RNF38: variants seen among roughly 807,000 people sequenced by gnomAD.
The protein encoded by RNF38 is ring finger protein 38.
In RNF38, 15 loss-of-function variants were observed where a neutral mutation model predicts 67.2. The ratio of observed to expected loss-of-function variants is 0.22; its 90% CI spans 0.15 to 0.34. The LOEUF (loss-of-function observed/expected upper bound fraction) is 0.34. Among genes scored for constraint, RNF38 ranks in the 10% least tolerant of loss-of-function variants. RNF38 has a pLI of 1.00. For synonymous variants in RNF38, 220 were observed against 218.8 expected (o/e 1.01, Z -0.05); for missense variants, 524 against 639.9 (o/e 0.82, Z 1.95).
intron 1 of RNF38, among the ~76,000 whole-genome samples, chr9:36,464,027 C>T (rs1400251460): frequency 2.0e-5 from 3 of 151,498 alleles, no homozygotes; most frequent in African/African-American, 7.3e-5. Context: ...ATTAGCCGGG[C>T]GTGGTGGCAG....
chr9:36,419,810 C>A (rs892681845), intron 2 of RNF38, among the ~76,000 whole-genome samples: 12 of 152,010 alleles, frequency 7.9e-5, no homozygotes, highest in African/African-American at 2.7e-4. Flanking sequence ...TAACAAAGTG[C>A]GACCCTGTCA....
chr9:36,341,555 G>GT (rs1212563256), intron 11 of RNF38, among the ~76,000 whole-genome samples: 2 of 151,934 alleles, frequency 1.3e-5, no homozygotes, highest in African/African-American at 4.8e-5. Flanking sequence ...ACTATGAAGA[G>GT]TAAAAAAGCA....
At chr9:36,477,384 C>A (rs1840145390) in intron 1 of RNF38, among the ~76,000 whole-genome samples, 1 of 150,944 alleles carries the variant, frequency 6.6e-6, no homozygotes, top group African/African-American at 2.4e-5. Context: ...CAAAATACAA[C>A]AACAAAACAG....
rs1257199058 is a variant in RNF38 at position 36,336,798 on chromosome 9, G to GTAGATCTCA, written c.*2945_*2953dup. ...GAAAAATATTCTCACAAGTGAGTCG[G>GTAGATCTCA]TAGATCTCATTCAAAATTATTCTAA... On this transcript the variant is annotated 3_prime_UTR_variant, in exon 12 of 12. Coordinates refer to ENST00000259605, the MANE Select transcript of RNF38 (RefSeq NM_022781.5). 6.6e-6 allele frequency: 1 copy of GTAGATCTCA among 152,492 alleles called. No individual in the cohort carries two copies. Among genetic ancestry groups the GTAGATCTCA allele is most frequent in the Non-Finnish European group, 1.5e-5 (1 of 68,024 alleles). 9.4% of individuals were successfully genotyped at this position (152,492 alleles called of 1,614,324 possible). A position where few individuals can be genotyped will look rare whatever the true frequency, so the allele number is the denominator to read the frequency against.
chr9:36,342,669 A>AT (rs1236324838), intron 10 of RNF38, among the ~76,000 whole-genome samples: 6 of 152,152 alleles, frequency 3.9e-5, no homozygotes, highest in East Asian at 1.9e-4. Context: ...ATTCTATACT[A>AT]TTTAAAAAAA....
intron 1 of RNF38, among the ~76,000 whole-genome samples, chr9:36,436,962 C>G (rs1434900783): frequency 6.6e-6 from 1 of 152,102 alleles, no homozygotes; most frequent in African/African-American, 2.4e-5. Context: ...ACAGAGAAGG[C>G]AGTTTTCTAC....
chr9:36,444,226 A>T (rs1040685195), intron 1 of RNF38, among the ~76,000 whole-genome samples: 2 of 152,200 alleles, frequency 1.3e-5, no homozygotes, highest in Non-Finnish European at 2.9e-5. Context: ...AAGTAATTTT[A>T]AAAAAGGACG....
At chr9:36,384,556 G>A (rs1836454124) in intron 2 of RNF38, among the ~76,000 whole-genome samples, 1 of 152,196 alleles carries the variant, frequency 6.6e-6, no homozygotes, top group African/African-American at 2.4e-5. Context: ...TTTCAAGGAT[G>A]CAGGATGAAG....
intron 4 of RNF38, among the ~76,000 whole-genome samples, chr9:36,358,501 C>T (rs980016451): frequency 3.8e-4 from 58 of 152,112 alleles, no homozygotes; most frequent in African/African-American, 1.4e-3. Context: ...GTTTTCTTAA[C>T]AGAAATGAGA....
At chr9:36,353,905 G>T (rs1201704611) in intron 6 of RNF38, among the ~76,000 whole-genome samples, 1 of 152,112 alleles carries the variant, frequency 6.6e-6, no homozygotes, top group Admixed American at 6.6e-5. Context: ...TATAAAACCG[G>T]CATGCTCAGA....
At chr9:36,363,500 T>C (rs964087946) in intron 4 of RNF38, among the ~76,000 whole-genome samples, 1 of 100,832 alleles carries the variant, frequency 9.9e-6, no homozygotes, top group Non-Finnish European at 2.6e-5. Context: ...ATGTTTTCAT[T>C]TGGTCACCCA....
intron 10 of RNF38, 75 bp downstream of exon 10, chr9:36,344,757 T>A: frequency 6.9e-7 from 1 of 1,446,694 alleles, no homozygotes; most frequent in Non-Finnish European, 9.5e-7. Flanking sequence ...AACTTTTACC[T>A]TAATGACTCT....
At chr9:36,418,663 G>A (rs1189816439) in intron 2 of RNF38, among the ~76,000 whole-genome samples, 2 of 152,146 alleles carry the variant, frequency 1.3e-5, no homozygotes, top group Non-Finnish European at 2.9e-5. Flanking sequence ...GTACGCGCCT[G>A]TAATCCCAGC....
intron 9 of RNF38, among the ~76,000 whole-genome samples, chr9:36,348,311 A>G (rs1378835696): frequency 1.2e-4 from 18 of 152,040 alleles, no homozygotes. Context: ...AAAAAAAAAA[A>G]AATCCACAAA....
Position 36,452,131 on chromosome 9 carries a change from G to A in RNF38, n.242-27448C>T, listed in dbSNP as rs1389871837. On this transcript the variant is annotated intron_variant and non_coding_transcript_variant, in intron 1 of 3. Transcript: ENST00000488058. ...CTAGCTACTCAGGAGGCTGAAGTGG[G>A]AGAACCACTTGAGCACCCAAGGAGT... is the stretch of plus-strand genomic sequence containing the variant. Among the ~76,000 whole-genome samples the A allele has an allele frequency of 3.3e-5, 5 of 152,084 alleles. No individual in the cohort carries two copies. The East Asian group carries it at 9.6e-4, about 29-fold the overall frequency.
chr9:36,397,003 C>T (rs1313937094), intron 1 of RNF38, among the ~76,000 whole-genome samples: 4 of 27,098 alleles, frequency 1.5e-4, no homozygotes, highest in Non-Finnish European at 2.7e-4. Flanking sequence ...TCACAATTTG[C>T]TTTATATATG....
chr9:36,356,419 G>T lies in RNF38; in HGVS notation c.793C>A (p.Pro265Thr). 2 of 1,613,834 alleles carry T rather than the reference G, an allele frequency of 1.2e-6. No individual in the cohort carries two copies. Among genetic ancestry groups the T allele is most frequent in the Non-Finnish European group, 1.7e-6 (2 of 1,179,866 alleles). Residue 265 changes from proline (P) to threonine (T), a missense_variant, in exon 6 of 12, where the codon CCC becomes ACC. Physicochemically the swap from Pro to Thr is conservative, Grantham distance 38. Around this residue, in one of 2 missense-constraint regions of RNF38, gnomAD observed 461 missense variants for 517.4 expected, o/e 0.89. Transcript: ENST00000259605. ...AGAAATGGATCACTAGAAATAAGGG[G>T]TGGGAATGCAGCATATGGTACTGGT... is the stretch of plus-strand genomic sequence containing the variant. ...HLPVPYAAFPPLISSDPFLIH... is the reference protein window; with the variant it reads ...HLPVPYAAFPTLISSDPFLIH...
intron 1 of RNF38, among the ~76,000 whole-genome samples, chr9:36,396,351 C>G (rs1837509244): frequency 6.6e-6 from 1 of 152,136 alleles, no homozygotes; most frequent in African/African-American, 2.4e-5. Context: ...AAGTCCACCC[C>G]ATCCTACTGA....
chr9:36,487,383 G>A, exon 1 of RNF38: 1 of 983,040 alleles, frequency 1.0e-6, no homozygotes, highest in South Asian at 4.5e-5. Flanking sequence ...GGAGGGCTGA[G>A]GCGGTCCGTG....
Sources: allele counts gnomAD v4.1 joint callset (sites outside exome capture counted in the v4.1 genomes callset), GRCh38; gene constraint gnomAD v4.1.1; regional missense constraint gnomAD v4.1.1; transcripts MANE v1.5; gene names NCBI Gene and HGNC (gene_info 2026-07-23, HGNC 2026-07-21).